Variants in SORL1 observed in about 807,000 individuals in gnomAD.
SORL1 encodes sortilin-related receptor.
Under a neutral mutation model 273.7 loss-of-function variants are expected in SORL1, and 127 were observed. That is an observed-to-expected ratio of 0.46 (90% confidence interval 0.40 to 0.54). The LOEUF (loss-of-function observed/expected upper bound fraction) is 0.54. Ranked by LOEUF, SORL1 falls within the 20% of genes least tolerant of loss-of-function variation. The pLI, the probability that SORL1 is intolerant of heterozygous loss-of-function variation, is 0.00. For synonymous variants in SORL1, 1,031 were observed against 1,067.4 expected, an observed-to-expected ratio of 0.97 and a Z score of 0.66; for missense variants, 2,494 against 2,846.1, an observed-to-expected ratio of 0.88 and a Z score of 2.81.
At position 121,605,408 on chromosome 11, in the gene SORL1, T is replaced by G; in HGVS notation, c.4785T>G (p.Val1595=). The G allele has an allele frequency of 6.2e-7, 1 of 1,610,142 alleles. No individual in the cohort carries two copies. The highest frequency in any genetic ancestry group is 8.5e-7 in the Non-Finnish European group (1 of 1,176,970). The change falls in exon 35 of 48, where the codon GTT becomes GTG. Residue 1595 remains valine, a synonymous_variant. Transcript: ENST00000260197. ...TTATTTTTTTTTGGGCCAGGGTGGTTGGAGAGAGCATATGGAAGACTCTGG... is the reference window on the plus strand; with the variant it reads ...TTATTTTTTTTTGGGCCAGGGTGGTGGGAGAGAGCATATGGAAGACTCTGG... ...SCVYNVYYRV[V]GESIWKTLET...
intron 23 of SORL1, among the ~76,000 whole-genome samples, chr11:121,572,799 G>C (rs1301351660): frequency 6.6e-6 from 1 of 152,078 alleles, no homozygotes; most frequent in Non-Finnish European, 1.5e-5. Context: ...AGGCACTCAG[G>C]GTTTTGACGC....
At chr11:121,574,876 A>G (rs1862904461) in intron 24 of SORL1, among the ~76,000 whole-genome samples, 1 of 152,164 alleles carries the variant, frequency 6.6e-6, no homozygotes, top group African/African-American at 2.4e-5. Context: ...ACAGCTCTAC[A>G]GGCTTGGCCC....
chr11:121,529,347 G>A (rs1862169141), intron 11 of SORL1, among the ~76,000 whole-genome samples: 1 of 151,998 alleles, frequency 6.6e-6, no homozygotes, highest in African/African-American at 2.4e-5. Context: ...CTCCCGAGTA[G>A]CTGGGATTTC....
chr11:121,502,822 C>T (rs750084753), intron 6 of SORL1, among the ~76,000 whole-genome samples: 11 of 151,934 alleles, frequency 7.2e-5, no homozygotes, highest in South Asian at 2.1e-4. Flanking sequence ...TCTGCCATTC[C>T]GTGGTTTATC....
chr11:121,580,918 C>CTT (rs35751378), intron 25 of SORL1, among the ~76,000 whole-genome samples: 16 of 135,586 alleles, frequency 1.2e-4, no homozygotes, highest in East Asian at 2.2e-4. Context: ...TTCTCATACA[C>CTT]TTTTTTTTTT....
chr11:121,592,526 T>G (rs1396337145), intron 31 of SORL1, among the ~76,000 whole-genome samples: 1 of 152,266 alleles, frequency 6.6e-6, no homozygotes, highest in African/African-American at 2.4e-5. Flanking sequence ...TTCCATCTCT[T>G]TTCCAGTCTC....
chr11:121,490,565 C>G (rs909481376), intron 5 of SORL1, among the ~76,000 whole-genome samples: 5 of 151,928 alleles, frequency 3.3e-5, no homozygotes, highest in Non-Finnish European at 7.4e-5. Context: ...CATGGTCAAA[C>G]CCTGTCTCTA....
chr11:121,593,777 G>A (rs1863251529), intron 31 of SORL1, among the ~76,000 whole-genome samples: 1 of 152,150 alleles, frequency 6.6e-6, no homozygotes, highest in African/African-American at 2.4e-5. Context: ...GGGCACAACT[G>A]CCTTTTAGGA....
chr11:121,499,303 G>C (rs1861677227), intron 6 of SORL1, among the ~76,000 whole-genome samples: 1 of 152,172 alleles, frequency 6.6e-6, no homozygotes, highest in African/African-American at 2.4e-5. Context: ...CCAGATTCCA[G>C]GGTCAGTGGT....
intron 12 of SORL1, among the ~76,000 whole-genome samples, chr11:121,533,843 G>A (rs957128060): frequency 6.6e-6 from 1 of 152,108 alleles, no homozygotes; most frequent in Admixed American, 6.6e-5. Context: ...TCTCTGTTCT[G>A]TGTAGCACTG....
chr11:121,559,452 T>A, intron 20 of SORL1, 67 bp from the exon 21 acceptor site: 6 of 1,523,220 alleles, frequency 3.9e-6, no homozygotes, highest in Non-Finnish European at 5.3e-6. Flanking sequence ...GGGGAACTCT[T>A]ACCCTTAGAG....
Position 121,618,884 on chromosome 11 carries a change from T to C in SORL1, c.5715T>C (p.Tyr1905=). The change falls in exon 42 of 48, where the codon TAT becomes TAC. Residue 1905 remains tyrosine (Y), a synonymous_variant. Transcript: ENST00000260197. ...KTVIVSKDEQ[Y]LFLVRVVVPY... is the part of the protein sequence containing the mutation. Reference sequence around the variant, plus strand: ...TCATTGTCAGTAAGGATGAGCAGTATTTGTTTCTGGTAAGTTTCCCATACC... The same window carrying C: ...TCATTGTCAGTAAGGATGAGCAGTACTTGTTTCTGGTAAGTTTCCCATACC... 4 of 1,614,144 alleles carry C rather than the reference T, an allele frequency of 2.5e-6. No individual in the cohort carries two copies. Among genetic ancestry groups the C allele is most frequent in the Non-Finnish European group, 3.4e-6 (4 of 1,179,992 alleles).
intron 38 of SORL1, 58 bp from the exon 39 acceptor site, chr11:121,611,018 C>T (rs1863555133): frequency 1.7e-6 from 2 of 1,186,216 alleles, no homozygotes; most frequent in South Asian, 2.4e-5. Context: ...CTATTAAGTC[C>T]TGCCTTCCTC....
At position 121,496,848 on chromosome 11, in the gene SORL1, CTTTTT is replaced by C; in HGVS notation, c.759-12_759-8del. The stretch of plus-strand genomic sequence containing the variant: ...AATTAAATGTGCAAATGATAACAAC[CTTTTT>C]TTTTTTTTCTGCCAGGGGAATTGAT... On this transcript the variant is annotated splice_polypyrimidine_tract_variant and intron_variant, in intron 5 of 47. Coordinates refer to ENST00000260197, the MANE Select transcript of SORL1 (RefSeq NM_003105.6). 7.7e-7 allele frequency: 1 copy of C among 1,301,054 alleles called. No homozygotes were observed. The highest frequency in any genetic ancestry group is 1.1e-6 in the Non-Finnish European group (1 of 944,870). 80.6% of individuals were successfully genotyped at this position (1,301,054 alleles called of 1,614,324 possible).
At chr11:121,504,856 A>C (rs1054261969) in intron 6 of SORL1, among the ~76,000 whole-genome samples, 1 of 152,102 alleles carries the variant, frequency 6.6e-6, no homozygotes, top group Non-Finnish European at 1.5e-5. Flanking sequence ...CAATTTGAGG[A>C]AGGTTCCCTT....
intron 42 of SORL1, 24 bp downstream of exon 42, chr11:121,618,917 T>G (rs761946803): frequency 1.2e-6 from 2 of 1,613,642 alleles, no homozygotes; most frequent in South Asian, 1.1e-5. Context: ...ACCGTTTCAG[T>G]TTTTTAAGGG....
chr11:121,554,201 A>C lies in SORL1; in HGVS notation c.2439+92A>C. On this transcript the variant is annotated intron_variant, in intron 17 of 47. Coordinates refer to ENST00000260197, the MANE Select transcript of SORL1 (RefSeq NM_003105.6). This position sits in a 1 kb window ranked among gnomAD's most constrained non-coding sequence, Gnocchi z 4.6. ...TGCAGAATGGCCTATGGAAATGGGC[A>C]GTTAGAAGTTTGTAAGTGTTACTCA... 2 of 1,154,680 alleles carry C rather than the reference A, an allele frequency of 1.7e-6. No homozygotes were observed. The highest frequency in any genetic ancestry group is 2.5e-6 in the Non-Finnish European group (2 of 814,372). 71.5% of individuals were successfully genotyped at this position (1,154,680 alleles called of 1,614,324 possible).
chr11:121,487,506 T>C (rs570591625), intron 3 of SORL1, among the ~76,000 whole-genome samples: 2 of 152,336 alleles, frequency 1.3e-5, no homozygotes, highest in Admixed American at 1.3e-4. Flanking sequence ...GCCGATCACC[T>C]GGCATAGCAG....
rs1181779644 is a variant in SORL1 at position 121,604,176 on chromosome 11, G to A, written c.4520-17G>A. 2 of 1,613,460 alleles carry A rather than the reference G, an allele frequency of 1.2e-6. No homozygotes were observed. The highest frequency in any genetic ancestry group is 2.2e-5 in the East Asian group (1 of 44,878). Reference sequence around the variant, plus strand: ...CGGCCCCTCCCCGTGGACTTAAGAAGCCTCTCTGTGTTTCAGCCACACACA... The same window carrying A: ...CGGCCCCTCCCCGTGGACTTAAGAAACCTCTCTGTGTTTCAGCCACACACA... On this transcript the variant is annotated splice_polypyrimidine_tract_variant and intron_variant, in intron 32 of 47. Transcript: ENST00000260197.
Sources: allele counts gnomAD v4.1 joint callset (sites outside exome capture counted in the v4.1 genomes callset), GRCh38; gene constraint gnomAD v4.1.1; non-coding constraint Gnocchi (gnomAD v3.1); transcripts MANE v1.5; gene names NCBI Gene and HGNC (gene_info 2026-07-23, HGNC 2026-07-21).